ZNF487: variants seen among roughly 807,000 people sequenced by gnomAD.
ZNF487 encodes the protein KRAB domain only 1.
A neutral mutation model predicts 3.0 loss-of-function variants in ZNF487; 4 were observed. That is an observed-to-expected ratio of 1.35 (90% confidence interval 0.66 to 3.08). The LOEUF is 3.08. ZNF487 is among the 30% of genes most tolerant of loss of function. The pLI is 0.01. For missense variants in ZNF487, 146 were observed against 98.7 expected, an observed-to-expected ratio of 1.48 and a Z score of -2.03; for synonymous variants, 55 against 34.6, an observed-to-expected ratio of 1.59 and a Z score of -2.06.
chr10:43,465,514 C>T (rs1490557745), intron 1 of ZNF487, among the ~76,000 whole-genome samples: 6 of 126,708 alleles, frequency 4.7e-5, no homozygotes, highest in Admixed American at 3.9e-4. Context: ...CAGACGGGGT[C>T]GTGGCCGGGC....
chr10:43,457,866 C>G (rs1471397458), intron 1 of ZNF487, among the ~76,000 whole-genome samples: 2 of 151,712 alleles, frequency 1.3e-5, no homozygotes, highest in East Asian at 3.9e-4. Context: ...ACTAAAAATA[C>G]AAAAAATTAG....
At chr10:43,510,422 A>G in the ZNF487 span, among the ~76,000 whole-genome samples, 1 of 152,200 alleles carries the variant, frequency 6.6e-6, no homozygotes, top group Non-Finnish European at 1.5e-5. Flanking sequence ...TGGTAATACC[A>G]AGAGACACCC....
chr10:43,497,693 C>T, the ZNF487 span, among the ~76,000 whole-genome samples: 6 of 152,126 alleles, frequency 3.9e-5, no homozygotes, highest in South Asian at 2.1e-4. Context: ...ATAGGCTGGG[C>T]GCGGTGGCTC....
intron 1 of ZNF487, among the ~76,000 whole-genome samples, chr10:43,459,133 C>G (rs1840326285): frequency 6.6e-6 from 1 of 152,058 alleles, no homozygotes; most frequent in African/African-American, 2.4e-5. Context: ...CTAGTCCTTC[C>G]TCTGTAATTA....
chr10:43,458,841 G>A (rs1457531354), intron 1 of ZNF487, among the ~76,000 whole-genome samples: 3 of 151,898 alleles, frequency 2.0e-5, no homozygotes, highest in Non-Finnish European at 4.4e-5. Context: ...CTTGATCCAG[G>A]CATAGAAGCT....
At chr10:43,484,442 A>G (rs113085925), downstream of ZNF487, among the ~76,000 whole-genome samples, 10,880 of 151,708 alleles carry the variant, frequency 0.072, 540 homozygotes, top group East Asian at 0.2. Flanking sequence ...CCCTGTCTCT[A>G]CTAAAATACA....
At chr10:43,442,538 G>A (rs757071974) in intron 1 of ZNF487, among the ~76,000 whole-genome samples, 1 of 152,086 alleles carries the variant, frequency 6.6e-6, no homozygotes, top group Non-Finnish European at 1.5e-5. Context: ...CCACCCTCCG[G>A]GTTGAAATGA....
At chr10:43,448,937 T>TG (rs985050954) in intron 1 of ZNF487, among the ~76,000 whole-genome samples, 3 of 147,640 alleles carry the variant, frequency 2.0e-5, no homozygotes, top group Non-Finnish European at 4.4e-5. Flanking sequence ...GAGGCTGTGG[T>TG]GAGCTCTGAT....
chr10:43,520,636 A>C, the ZNF487 span, among the ~76,000 whole-genome samples: 1,074 of 152,370 alleles, frequency 7.0e-3, 13 homozygotes, highest in African/African-American at 0.024. Context: ...GTTATAGAGC[A>C]GTGACATACA....
At chr10:43,468,863 C>T (rs529447553) in intron 1 of ZNF487, among the ~76,000 whole-genome samples, 1 of 150,160 alleles carries the variant, frequency 6.7e-6, no homozygotes, top group Admixed American at 6.6e-5. Flanking sequence ...GTGGTGGGCG[C>T]CTGTAGTCCC....
intron 1 of ZNF487, among the ~76,000 whole-genome samples, chr10:43,462,346 C>T (rs148473684): frequency 6.6e-6 from 1 of 152,074 alleles, no homozygotes; most frequent in African/African-American, 2.4e-5. Flanking sequence ...TTTATTGTCC[C>T]TTGCTTTAAT....
At chr10:43,515,509 A>T in the ZNF487 span, among the ~76,000 whole-genome samples, 1 of 152,198 alleles carries the variant, frequency 6.6e-6, no homozygotes. Flanking sequence ...CAGTGTCCTC[A>T]GCTTCATCAG....
intron 1 of ZNF487, among the ~76,000 whole-genome samples, chr10:43,468,353 A>G (rs1457898921): frequency 6.6e-6 from 1 of 152,140 alleles, no homozygotes; most frequent in Non-Finnish European, 1.5e-5. Flanking sequence ...GTAAAATTAA[A>G]CAGCATCTCA....
chr10:43,506,159 C>T, the ZNF487 span, among the ~76,000 whole-genome samples: 1 of 152,132 alleles, frequency 6.6e-6, no homozygotes, highest in African/African-American at 2.4e-5. Flanking sequence ...AGCCACAGTT[C>T]TACTCCCCAC....
At chr10:43,465,266 G>T (rs553061681) in intron 1 of ZNF487, among the ~76,000 whole-genome samples, 1 of 151,840 alleles carries the variant, frequency 6.6e-6, no homozygotes, top group African/African-American at 2.4e-5. Context: ...CCTCCCGGAC[G>T]GGGCGGCTGG....
At chr10:43,485,488 T>G (rs1423015056), downstream of ZNF487, among the ~76,000 whole-genome samples, 1 of 152,202 alleles carries the variant, frequency 6.6e-6, no homozygotes, top group Non-Finnish European at 1.5e-5. Context: ...ATTGTTCTCT[T>G]TTTGCACTCT....
rs920435043 is a variant in ZNF487, at chr10:43,446,643, G to A, written c.-94+9381G>A. Among the ~76,000 whole-genome samples the A allele has an allele frequency of 1.2e-4, 18 of 151,666 alleles. No homozygotes were observed. The South Asian group carries it at 3.1e-3, about 26-fold the overall frequency. On this transcript the variant is annotated intron_variant, in intron 1 of 3. Coordinates refer to ENST00000437590, the MANE Select transcript of ZNF487 (RefSeq NM_001355444.3). ...CCCACATCCTAGACGATGGGCGCCC[G>A]GGCAGAGACGCTCCTCTCTTCCTAG...
downstream of ZNF487, among the ~76,000 whole-genome samples, chr10:43,483,705 T>G (rs905661345): frequency 6.6e-6 from 1 of 152,118 alleles, no homozygotes; most frequent in African/African-American, 2.4e-5. Context: ...TTTTTGTATT[T>G]TTTGTAAAGA....
chr10:43,437,014 G>C (rs564791638), upstream of ZNF487: 6 of 383,746 alleles, frequency 1.6e-5, no homozygotes, highest in East Asian at 2.3e-4. Flanking sequence ...GCCCCCGCTA[G>C]GCACGCGGGA....
Sources: allele counts gnomAD v4.1 joint callset (sites outside exome capture counted in the v4.1 genomes callset), GRCh38; gene constraint gnomAD v4.1.1; transcripts MANE v1.5; gene names NCBI Gene and HGNC (gene_info 2026-07-23, HGNC 2026-07-21).